Variants in ROR1 observed in about 807,000 individuals in gnomAD.
ROR1 encodes the protein inactive tyrosine-protein kinase transmembrane receptor ROR1.
Under a neutral mutation model 78.8 loss-of-function variants are expected in ROR1, and 19 were observed. The ratio of observed to expected loss-of-function variants is 0.24; its 90% confidence interval spans 0.17 to 0.35. The LOEUF is 0.35. Among genes scored for constraint, ROR1 ranks in the 10% least tolerant of loss-of-function variants. The pLI is 1.00. For synonymous variants in ROR1, 386 were observed against 433.6 expected, an observed-to-expected ratio of 0.89 and a Z score of 1.36; for missense variants, 917 against 1,177.8, an observed-to-expected ratio of 0.78 and a Z score of 3.24.
chr1:63,915,217 A>G (rs1645599990), intron 1 of ROR1, among the ~76,000 whole-genome samples: 1 of 152,140 alleles, frequency 6.6e-6, no homozygotes. Context: ...CACCATCTCA[A>G]CCCATGTCAC....
At chr1:63,920,787 A>G (rs1300341725) in intron 1 of ROR1, among the ~76,000 whole-genome samples, 2 of 152,202 alleles carry the variant, frequency 1.3e-5, no homozygotes, top group Non-Finnish European at 2.9e-5. Context: ...ATAAGTTTGC[A>G]TTCCTTTAAC....
At chr1:63,905,681 C>T (rs1030513726) in intron 1 of ROR1, among the ~76,000 whole-genome samples, 3 of 152,162 alleles carry the variant, frequency 2.0e-5, no homozygotes, top group Non-Finnish European at 4.4e-5. Flanking sequence ...TGGTAATAGA[C>T]ATGCACCATC....
intron 1 of ROR1, among the ~76,000 whole-genome samples, chr1:63,972,478 G>GT (rs1278122117): frequency 6.6e-6 from 1 of 152,080 alleles, no homozygotes; most frequent in Non-Finnish European, 1.5e-5. Flanking sequence ...GCTCAGTAAG[G>GT]TTTTTTTATT....
intron 1 of ROR1, among the ~76,000 whole-genome samples, chr1:63,840,154 G>A (rs1645040516): frequency 6.6e-6 from 1 of 152,086 alleles, no homozygotes; most frequent in African/African-American, 2.4e-5. Context: ...ATCCATCCAT[G>A]ATGCACTGTG....
chr1:63,990,615 A>G (rs937917568), intron 1 of ROR1, among the ~76,000 whole-genome samples: 6 of 152,158 alleles, frequency 3.9e-5, no homozygotes, highest in East Asian at 1.9e-4. Flanking sequence ...CCAAACCTCT[A>G]TTCCTGAGAA....
intron 4 of ROR1, among the ~76,000 whole-genome samples, chr1:64,067,056 G>A (rs1316313963): frequency 6.6e-6 from 1 of 151,836 alleles, no homozygotes; most frequent in Admixed American, 6.6e-5. Context: ...AAATTTTCAT[G>A]GAAATACTTG....
At chr1:63,879,096 C>T (rs1380106807) in intron 1 of ROR1, among the ~76,000 whole-genome samples, 1 of 152,010 alleles carries the variant, frequency 6.6e-6, no homozygotes, top group Non-Finnish European at 1.5e-5. Flanking sequence ...TCAGATCTTA[C>T]AGCTGAGCAG....
At chr1:64,079,567 G>A (rs1313501099) in intron 4 of ROR1, among the ~76,000 whole-genome samples, 2 of 151,632 alleles carry the variant, frequency 1.3e-5, no homozygotes, top group African/African-American at 4.8e-5. Flanking sequence ...CACCTCCCAG[G>A]TTCAAGCAAT....
At chr1:63,963,247 T>C (rs1646046274) in intron 1 of ROR1, among the ~76,000 whole-genome samples, 1 of 152,170 alleles carries the variant, frequency 6.6e-6, no homozygotes, top group Admixed American at 6.5e-5. Context: ...CTATTTTTTT[T>C]CTCCTAATAT....
intron 4 of ROR1, among the ~76,000 whole-genome samples, chr1:64,108,783 T>C (rs1319748520): frequency 6.6e-6 from 1 of 152,200 alleles, no homozygotes; most frequent in Admixed American, 6.5e-5. Flanking sequence ...CTGGAGATTA[T>C]GTGTAGAGAG....
intron 8 of ROR1, 35 bp from the exon 9 acceptor site, chr1:64,177,393 T>C (rs776279520): frequency 3.9e-6 from 6 of 1,521,232 alleles, no homozygotes; most frequent in East Asian, 4.5e-5. Flanking sequence ...CCTGAAGATA[T>C]GTTTTAAACC....
chr1:64,028,302 A>G (rs1646630772), intron 2 of ROR1, among the ~76,000 whole-genome samples: 1 of 152,174 alleles, frequency 6.6e-6, no homozygotes, highest in African/African-American at 2.4e-5. Context: ...AGATGCTCAC[A>G]GTCTAGTGGA....
At chr1:63,794,495 C>T (rs1261488374) in intron 1 of ROR1, among the ~76,000 whole-genome samples, 1 of 152,244 alleles carries the variant, frequency 6.6e-6, no homozygotes. Context: ...GAACCAGCTT[C>T]TTTCTCTCAC....
chr1:64,163,296 T>C (rs1649998205), intron 8 of ROR1, among the ~76,000 whole-genome samples: 1 of 151,046 alleles, frequency 6.6e-6, no homozygotes, highest in African/African-American at 2.4e-5. Flanking sequence ...TGCATCTCTA[T>C]ACTCAGAGCT....
At position 64,178,977 on chromosome 1, in the gene ROR1, C is replaced by A; in HGVS notation, c.*122C>A. 8.2e-6 allele frequency: 4 copies of A among 487,404 alleles called. No individual in the cohort carries two copies. The highest frequency in any genetic ancestry group is 5.3e-5 in the East Asian group (1 of 18,976). 30.2% of individuals were successfully genotyped at this position (487,404 alleles called of 1,614,324 possible). A position where few individuals can be genotyped will look rare whatever the true frequency, so the allele number is the denominator to read the frequency against. On this transcript the variant is annotated 3_prime_UTR_variant, in exon 9 of 9. Transcript: ENST00000371079. The surrounding 1 kb of genome is among the most constrained non-coding windows in gnomAD (Gnocchi z 4.3). ...TAGCAGACATCGCAACAAGTACCTT[C>A]TGTGAAGTTTCACTGTGTCTTACCA...
intron 7 of ROR1, among the ~76,000 whole-genome samples, chr1:64,154,831 T>C (rs1649728211): frequency 6.6e-6 from 1 of 152,218 alleles, no homozygotes; most frequent in Admixed American, 6.5e-5. Flanking sequence ...ATCTTCAACA[T>C]TCTAATTTCC....
At chr1:63,815,878 T>G (rs947982186) in intron 1 of ROR1, among the ~76,000 whole-genome samples, 3 of 152,128 alleles carry the variant, frequency 2.0e-5, no homozygotes, top group African/African-American at 7.2e-5. Flanking sequence ...GAAAACTTCC[T>G]GGGACTTCCT....
At chr1:64,039,122 C>G (rs964813351) in intron 2 of ROR1, among the ~76,000 whole-genome samples, 3 of 152,156 alleles carry the variant, frequency 2.0e-5, no homozygotes, top group African/African-American at 7.2e-5. Flanking sequence ...TAACAGGAGA[C>G]CTTGAGTTGT....
chr1:64,062,898 AG>A (rs2100607550), intron 4 of ROR1, among the ~76,000 whole-genome samples: 1 of 152,326 alleles, frequency 6.6e-6, no homozygotes, highest in African/African-American at 2.4e-5. Flanking sequence ...TCGACTTTGT[AG>A]GGTAGGAAAG....
Sources: allele counts gnomAD v4.1 joint callset (sites outside exome capture counted in the v4.1 genomes callset), GRCh38; gene constraint gnomAD v4.1.1; non-coding constraint Gnocchi (gnomAD v3.1); transcripts MANE v1.5; gene names NCBI Gene and HGNC (gene_info 2026-07-23, HGNC 2026-07-21).